Variants in LRRFIP2 observed in about 807,000 individuals in gnomAD.
LRRFIP2 encodes LRR binding FLII interacting protein 2, also known as leucine-rich repeat flightless-interacting protein 2.
LRRFIP2 carries 109 observed loss-of-function variants against 125.9 expected under a neutral mutation model. The ratio of observed to expected loss-of-function variants is 0.87; its 90% CI spans 0.74 to 1.01. The LOEUF is 1.01. Among genes scored for constraint, LRRFIP2 ranks in the 50% least tolerant of loss-of-function variants. The pLI is 0.00. For synonymous variants in LRRFIP2, 291 were observed against 293.1 expected, an observed-to-expected ratio of 0.99 and a Z score of 0.07; for missense variants, 850 against 862.3, an observed-to-expected ratio of 0.99 and a Z score of 0.18.
chr3:37,067,164 T>G (rs1375892250), intron 21 of LRRFIP2: 2 of 152,246 alleles, frequency 1.3e-5, no homozygotes, highest in Non-Finnish European at 2.9e-5. Flanking sequence ...GGTAAAGCAT[T>G]GCCTGTAATG....
rs1230058886 is a variant in LRRFIP2 at position 37,054,506 on chromosome 3, G to A, written c.1960C>T (p.Leu654Phe). The A allele has an allele frequency of 1.2e-6, 2 of 1,613,198 alleles. No individual in the cohort carries two copies. The highest frequency in any genetic ancestry group is 2.2e-5 in the East Asian group (1 of 44,876). The change falls in exon 27 of 28, where the codon CTT becomes TTT. Residue 654 changes from leucine (L) to phenylalanine (F), a missense_variant. Physicochemically the swap from Leu to Phe is conservative, Grantham distance 22. Coordinates refer to ENST00000336686, the MANE Select transcript of LRRFIP2 (RefSeq NM_006309.4). The part of the protein sequence containing the change: ...ITTLEQSISR[L>F]EGQVLRYKTA... Reference sequence around the variant, plus strand: ...TTATATCTCAGAACCTGTCCCTCAAGCCGGCTAATCTGTAAGTATGAGAAC... The same window carrying A: ...TTATATCTCAGAACCTGTCCCTCAAACCGGCTAATCTGTAAGTATGAGAAC...
chr3:37,080,863 T>C (rs1400976119), intron 19 of LRRFIP2, among the ~76,000 whole-genome samples: 1 of 152,206 alleles, frequency 6.6e-6, no homozygotes. Context: ...CCGATTTTTT[T>C]AAGTGTAAAA....
rs187409185 is a variant in LRRFIP2, at chr3:37,131,578, C to G, written c.91-2429G>C. 1.7e-3 allele frequency among the ~76,000 whole-genome samples: 264 copies of G among 152,334 alleles called. 1 individual carries two copies. The highest frequency in any genetic ancestry group is 6.2e-3 in the African/African-American group (258 of 41,568). ...TGGAATGGTTTCCTCTGTCCTTGGT[C>G]ACATCCTAACTCTGATTCAGACTAT... On this transcript the variant is annotated intron_variant, in intron 2 of 27. Transcript: ENST00000336686.
intron 1 of LRRFIP2, among the ~76,000 whole-genome samples, chr3:37,166,061 G>A (rs1201611722): frequency 6.6e-6 from 1 of 152,136 alleles, no homozygotes; most frequent in Admixed American, 6.6e-5. Flanking sequence ...CTCTGGGCAG[G>A]GCGCGGTGGC....
chr3:37,122,561 A>G (rs2095100882), intron 4 of LRRFIP2, among the ~76,000 whole-genome samples: 1 of 152,228 alleles, frequency 6.6e-6, no homozygotes, highest in Non-Finnish European at 1.5e-5. Context: ...ATTTTAAGAC[A>G]GTATATGATT....
At chr3:37,168,401 T>A (rs1038468689) in intron 1 of LRRFIP2, among the ~76,000 whole-genome samples, 3 of 152,196 alleles carry the variant, frequency 2.0e-5, no homozygotes, top group African/African-American at 7.2e-5. Flanking sequence ...GAAGACATCA[T>A]GCTAAGAGAA....
At chr3:37,123,202 T>TG (rs60557484) in intron 4 of LRRFIP2, among the ~76,000 whole-genome samples, 20 of 151,802 alleles carry the variant, frequency 1.3e-4, no homozygotes, top group African/African-American at 4.6e-4. Flanking sequence ...TTGTTGTTGT[T>TG]TTTTGAGACG....
chr3:37,155,480 T>C (rs1447066689), intron 1 of LRRFIP2, among the ~76,000 whole-genome samples: 1 of 152,204 alleles, frequency 6.6e-6, no homozygotes, highest in African/African-American at 2.4e-5. Flanking sequence ...GTCTAGCACA[T>C]GTATACAATA....
At position 37,063,726 on chromosome 3, in the gene LRRFIP2, A is replaced by G. The variant is rs768056224; in HGVS notation, c.1749+16T>C. The G allele has an allele frequency of 1.2e-5, 19 of 1,596,324 alleles. No individual in the cohort carries two copies. The highest frequency in any genetic ancestry group is 1.4e-5 in the Non-Finnish European group (16 of 1,164,160). On this transcript the variant is annotated intron_variant, in intron 24 of 27. Coordinates refer to ENST00000336686, the MANE Select transcript of LRRFIP2 (RefSeq NM_006309.4). ...TTTGTTAAAATTATATTACACTCCA[A>G]TAAGAATGCCTTTACCTGTGACAGT...
rs1343163179 is a variant in LRRFIP2 at position 37,083,754 on chromosome 3, G to A, written c.1160C>T (p.Ala387Val). 3 of 1,599,736 alleles carry A rather than the reference G, an allele frequency of 1.9e-6. No homozygotes were observed. The highest frequency in any genetic ancestry group is 2.6e-6 in the Non-Finnish European group (3 of 1,175,612). Residue 387 changes from alanine (A) to valine (V), a missense_variant, in exon 19 of 28, where the codon GCA (alanine) becomes GTA (valine). Transcript: ENST00000336686. ...ATTGTTCTTCTCATTGTCTAACTGT[G>A]CATTGGAAACCATGGCTTTCTTGTA... is the stretch of plus-strand genomic sequence containing the variant. ...EKYKKAMVSNAQLDNEKNNLI... is the reference protein window; with the variant it reads ...EKYKKAMVSNVQLDNEKNNLI...
At chr3:37,174,025 A>C (rs2096622629) in intron 1 of LRRFIP2, 2 of 152,230 alleles carry the variant, frequency 1.3e-5, no homozygotes, top group South Asian at 4.1e-4. Context: ...GAAACTCTTA[A>C]GTCACTATTT....
intron 1 of LRRFIP2, among the ~76,000 whole-genome samples, chr3:37,168,283 C>A (rs1473168497): frequency 6.6e-6 from 1 of 152,062 alleles, no homozygotes; most frequent in Non-Finnish European, 1.5e-5. Flanking sequence ...TGGAAACAAC[C>A]CATCTATCAA....
At chr3:37,112,334 C>CAA (rs1408342199) in intron 8 of LRRFIP2, among the ~76,000 whole-genome samples, 6 of 72,982 alleles carry the variant, frequency 8.2e-5, no homozygotes, top group Non-Finnish European at 1.5e-4. Context: ...GACTCCATCT[C>CAA]AAAAAAAGAA....
At chr3:37,098,581 T>C (rs747264057) in intron 15 of LRRFIP2, among the ~76,000 whole-genome samples, 146 of 151,628 alleles carry the variant, frequency 9.6e-4, no homozygotes, top group Non-Finnish European at 1.6e-3. Context: ...TTAGAAGAGA[T>C]GGGGTTTCAA....
At chr3:37,157,837 A>G (rs898658142) in intron 1 of LRRFIP2, among the ~76,000 whole-genome samples, 2 of 152,254 alleles carry the variant, frequency 1.3e-5, no homozygotes, top group African/African-American at 4.8e-5. Context: ...CATACTTTAT[A>G]AAGAGAAATG....
At chr3:37,152,184 G>A (rs1490898249) in intron 1 of LRRFIP2, among the ~76,000 whole-genome samples, 1 of 152,146 alleles carries the variant, frequency 6.6e-6, no homozygotes, top group Non-Finnish European at 1.5e-5. Flanking sequence ...TGGAGCTGGA[G>A]GCCATTACTG....
chr3:37,176,300 G>A (rs750937407), upstream of LRRFIP2: 2 of 152,288 alleles, frequency 1.3e-5, no homozygotes, highest in East Asian at 1.9e-4. Flanking sequence ...CCCGGGAGGA[G>A]CCGCAGCCTG....
intron 1 of LRRFIP2, among the ~76,000 whole-genome samples, chr3:37,160,584 A>G (rs1446729406): frequency 6.6e-6 from 1 of 152,142 alleles, no homozygotes. Context: ...GTTCAAGACC[A>G]GCCTGACCAA....
Position 37,162,057 on chromosome 3 carries a change from G to A in LRRFIP2, c.-56+12482C>T, listed in dbSNP as rs141913188. On this transcript the variant is annotated intron_variant, in intron 1 of 27. Transcript: ENST00000336686. ...ATATTAGCTAGGCGTGGTGGGGACT[G>A]AGGCAGGAGCATCGCTTGAGCCCAG... 6.2e-3 allele frequency among the ~76,000 whole-genome samples: 929 copies of A among 149,556 alleles called. 11 individuals are homozygous for A. Among genetic ancestry groups the A allele is most frequent in the African/African-American group, 0.021 (854 of 40,810 alleles).
Sources: gnomAD v4.1 joint callset for allele counts (sites outside exome capture counted in the v4.1 genomes callset) on GRCh38, gnomAD v4.1.1 for gene constraint, MANE v1.5 for transcripts, NCBI Gene and HGNC (gene_info 2026-07-23, HGNC 2026-07-21) for gene names.